Variants in NCAPD3 observed in about 807,000 individuals in gnomAD.
NCAPD3 encodes the protein non-SMC condensin II complex subunit D3, also known as condensin-2 complex subunit D3.
In NCAPD3, 105 loss-of-function variants were observed where a neutral mutation model predicts 182.9. The observed-to-expected ratio is 0.57, with a 90% CI of 0.49 to 0.68. The LOEUF (loss-of-function observed/expected upper bound fraction) is 0.68. Among genes scored for constraint, NCAPD3 ranks in the 30% least tolerant of loss-of-function variants. The pLI, the probability that NCAPD3 is intolerant of heterozygous loss-of-function variation, is 0.00. For missense variants in NCAPD3, 1,944 were observed against 1,837.0 expected (o/e 1.06, Z -1.07); for synonymous variants, 815 against 679.9 (o/e 1.20, Z -3.09).
At chr11:134,174,169 T>C (rs921847106) in intron 24 of NCAPD3, among the ~76,000 whole-genome samples, 3 of 151,680 alleles carry the variant, frequency 2.0e-5, no homozygotes, top group Non-Finnish European at 4.4e-5. Flanking sequence ...GGTGGGTAGA[T>C]TGCCTGAGCC....
chr11:134,195,158 T>C (rs1232447904), intron 13 of NCAPD3, among the ~76,000 whole-genome samples: 3 of 152,176 alleles, frequency 2.0e-5, no homozygotes, highest in Non-Finnish European at 4.4e-5. Context: ...TGGTGTACAG[T>C]GGTACAATCA....
chr11:134,154,529 C>T (rs895541804), intron 32 of NCAPD3, among the ~76,000 whole-genome samples: 1 of 132,852 alleles, frequency 7.5e-6, no homozygotes, highest in African/African-American at 3.0e-5. Flanking sequence ...GTCTTGGAGG[C>T]CCGGGTGGTG....
chr11:134,167,268 C>G (rs1475879861), intron 27 of NCAPD3, among the ~76,000 whole-genome samples: 12 of 112,868 alleles, frequency 1.1e-4, no homozygotes, highest in South Asian at 3.1e-4. Context: ...CTTAGGGGAG[C>G]AGCACACTCA....
At chr11:134,176,456 C>T (rs1944168694) in intron 23 of NCAPD3, 70 bp from the exon 24 acceptor site, 2 of 1,301,820 alleles carry the variant, frequency 1.5e-6, no homozygotes, top group Admixed American at 1.7e-5. Flanking sequence ...CCCAGCCACA[C>T]CCCACCCACC....
chr11:134,223,759 C>A, intron 1 of NCAPD3, 104 bp downstream of exon 1: 1 of 1,383,192 alleles, frequency 7.2e-7, no homozygotes, highest in South Asian at 1.3e-5. Flanking sequence ...CAGCCGGGCG[C>A]CCCCACCCCG....
rs752121136 is a variant in NCAPD3, at chr11:134,168,263, T to C, written c.3374-68A>G. ...GCTCTGGCCCAGAGAGGAGGTGTAA[T>C]TCCCACAACTGGGGGGCCATCTGAG... On this transcript the variant is annotated intron_variant, in intron 26 of 34. Coordinates refer to ENST00000534548, the MANE Select transcript of NCAPD3 (RefSeq NM_015261.3). 11 of 1,488,578 alleles carry C rather than the reference T, an allele frequency of 7.4e-6. No homozygotes were observed. In the African/African-American group the frequency reaches 1.2e-4, roughly 17 times the overall value. The allele number at this position is 1,488,578 out of a possible 1,614,324, so 92.2% of individuals were successfully genotyped here. A position where few individuals can be genotyped will look rare whatever the true frequency, so the allele number is the denominator to read the frequency against.
upstream of NCAPD3, chr11:134,224,566 G>C (rs1938382682): frequency 6.6e-6 from 1 of 152,408 alleles, no homozygotes; most frequent in Admixed American, 6.5e-5. Context: ...TGCGCAGCGA[G>C]CTCTCCTCCG....
chr11:134,223,857 G>C lies in NCAPD3; in HGVS notation c.64+6C>G. Reference sequence around the variant, plus strand: ...GCCCCCGGGCCTCCCGGCTGCATCTGCTCACCGAGTCTAAGATCCAGCGGA... The same window carrying C: ...GCCCCCGGGCCTCCCGGCTGCATCTCCTCACCGAGTCTAAGATCCAGCGGA... On this transcript the variant is annotated splice_donor_region_variant and intron_variant, in intron 1 of 34. Transcript: ENST00000534548. The C allele has an allele frequency of 6.2e-7, 1 of 1,612,164 alleles. No individual in the cohort carries two copies. The highest frequency in any genetic ancestry group is 8.5e-7 in the Non-Finnish European group (1 of 1,179,632).
chr11:134,163,607 G>C (rs1943657186), intron 27 of NCAPD3, among the ~76,000 whole-genome samples: 1 of 151,726 alleles, frequency 6.6e-6, no homozygotes, highest in Non-Finnish European at 1.5e-5. Context: ...GGCTGAGGCA[G>C]GAGAATGGCA....
At chr11:134,209,106 T>C (rs1937728434) in intron 6 of NCAPD3, 39 bp downstream of exon 6, 1 of 1,594,056 alleles carries the variant, frequency 6.3e-7, no homozygotes, top group African/African-American at 1.3e-5. Context: ...ATTGGTACAC[T>C]ATACTTAAAT....
chr11:134,182,465 C>T (rs1944318448), intron 19 of NCAPD3, among the ~76,000 whole-genome samples: 1 of 152,214 alleles, frequency 6.6e-6, no homozygotes, highest in South Asian at 2.1e-4. Context: ...CCTACCGTCC[C>T]CAACCCTTCC....
chr11:134,151,952 C>A lies in NCAPD3; in HGVS notation c.*992G>T, dbSNP rs1372092998. 3 of 152,144 alleles carry A rather than the reference C, an allele frequency of 2.0e-5. No individual in the cohort carries two copies. The highest frequency in any genetic ancestry group is 4.4e-5 in the Non-Finnish European group (3 of 68,034). 9.4% of individuals were successfully genotyped at this position (152,144 alleles called of 1,614,324 possible). The stretch of plus-strand genomic sequence containing the variant: ...CACCGAGCCCACCTGTGTTGCGGTT[C>A]CCACTTGGGATGGCAGTGGGCAGAT... On this transcript the variant is annotated 3_prime_UTR_variant, in exon 35 of 35. Transcript: ENST00000534548.
upstream of NCAPD3, chr11:134,224,465 C>A (rs965988429): frequency 6.4e-6 from 1 of 155,862 alleles, no homozygotes; most frequent in Non-Finnish European, 1.4e-5. Context: ...TCTGTAGGGA[C>A]TGCGCGGCAC....
Position 134,153,368 on chromosome 11 carries a change from A to T in NCAPD3, c.4253-5T>A, listed in dbSNP as rs772046001. The T allele has an allele frequency of 3.1e-6, 5 of 1,614,078 alleles. No homozygotes were observed. In the Middle Eastern group the frequency reaches 6.6e-4, roughly 213 times the overall value. On this transcript the variant is annotated splice_polypyrimidine_tract_variant and splice_region_variant and intron_variant, in intron 32 of 34. Coordinates refer to ENST00000534548, the MANE Select transcript of NCAPD3 (RefSeq NM_015261.3). ...ACGTGACATCACTGATGCTCTCTGC[A>T]TAAAGAGGAGACACCACTGAGTGAA...
intron 32 of NCAPD3, chr11:134,153,786 A>G: frequency 4.4e-6 from 1 of 228,802 alleles, no homozygotes; most frequent in Non-Finnish European, 8.8e-6. Flanking sequence ...CAGTGACTGG[A>G]GCATGCGCGC....
At chr11:134,169,163 G>A (rs1943946458) in intron 24 of NCAPD3, 109 bp from the exon 25 acceptor site, 2 of 1,108,904 alleles carry the variant, frequency 1.8e-6, no homozygotes, top group Non-Finnish European at 2.5e-6. Context: ...TAAGCGTAGG[G>A]ATTCAAAATC....
chr11:134,164,512 CG>C lies in NCAPD3; in HGVS notation c.3574-2622del, dbSNP rs543484957. Among the ~76,000 whole-genome samples, 495 of 152,230 alleles carry C rather than the reference CG, an allele frequency of 3.3e-3. 1 individual carries two copies. The highest frequency in any genetic ancestry group is 4.4e-3 in the Non-Finnish European group (299 of 67,996). ...TGGCACCAGGATTCCAGGGAGAACACGGAAGCCAGTAGATGGTGAGAAGAGT... is the reference window on the plus strand; with the variant it reads ...TGGCACCAGGATTCCAGGGAGAACACGAAGCCAGTAGATGGTGAGAAGAGT... On this transcript the variant is annotated intron_variant, in intron 27 of 34. Coordinates refer to ENST00000534548, the MANE Select transcript of NCAPD3 (RefSeq NM_015261.3).
chr11:134,155,811 T>C (rs1943402809), intron 32 of NCAPD3, among the ~76,000 whole-genome samples: 1 of 148,782 alleles, frequency 6.7e-6, no homozygotes, highest in African/African-American at 2.5e-5. Flanking sequence ...GATCCCAAAT[T>C]ACCCACTGCC....
chr11:134,158,202 T>G (rs1943480131), intron 30 of NCAPD3, 127 bp downstream of exon 30: 1 of 1,515,480 alleles, frequency 6.6e-7, no homozygotes. Context: ...CAGGGCACAG[T>G]GTGGAGCGGG....
Sources: allele counts gnomAD v4.1 joint callset (sites outside exome capture counted in the v4.1 genomes callset), GRCh38; gene constraint gnomAD v4.1.1; transcripts MANE v1.5; gene names NCBI Gene and HGNC (gene_info 2026-07-23, HGNC 2026-07-21).